PTPN21: variants seen among roughly 807,000 people sequenced by gnomAD.
PTPN21 encodes tyrosine-protein phosphatase non-receptor type 21.
Under a neutral mutation model 131.8 loss-of-function variants are expected in PTPN21, and 77 were observed. That is an observed-to-expected ratio of 0.58 (90% CI 0.49 to 0.71). The LOEUF is 0.71. Ranked by LOEUF, PTPN21 falls within the 30% of genes least tolerant of loss-of-function variation. PTPN21 has a pLI of 0.00. For missense variants in PTPN21, 1,552 were observed against 1,527.1 expected (o/e 1.02, Z -0.27); for synonymous variants, 715 against 621.3 (o/e 1.15, Z -2.24).
chr14:88,497,838 G>A (rs1433628510), intron 8 of PTPN21, among the ~76,000 whole-genome samples: 3 of 151,876 alleles, frequency 2.0e-5, no homozygotes, highest in Non-Finnish European at 4.4e-5. Context: ...GGTGGCTCAC[G>A]CCTGCAATCC....
At chr14:88,497,741 T>G (rs1209522766) in intron 8 of PTPN21, among the ~76,000 whole-genome samples, 2 of 151,594 alleles carry the variant, frequency 1.3e-5, no homozygotes, top group Admixed American at 1.3e-4. Context: ...ATCGCACCAC[T>G]GCACTCCAAC....
intron 2 of PTPN21, among the ~76,000 whole-genome samples, chr14:88,540,875 CTGG>C (rs1339040060): frequency 6.6e-6 from 1 of 152,100 alleles, no homozygotes; most frequent in East Asian, 1.9e-4. Context: ...GTTCCCCAGG[CTGG>C]TGGTGAACTC....
rs1268860038 is a variant in PTPN21 at position 88,505,318 on chromosome 14, C to A, written c.502G>T (p.Ala168Ser). The change falls in exon 5 of 19, where the codon GCC (alanine) becomes TCC (serine). Residue 168 changes from alanine (A) to serine (S), a missense_variant. Ala to Ser is a moderately conservative substitution (Grantham distance 99, BLOSUM62 1). This residue lies in a region of PTPN21 where 206 missense variants were observed against 221.6 expected (regional missense o/e 0.93). Transcript: ENST00000556564. ...AGAAGTCTTACCACAGGAAACAAGG[C>A]AAATTTCTGAAGAAAGTCCTGGGAT... ...YESQDFLQKFALFPVGWLQDE... is the reference protein window; with the variant it reads ...YESQDFLQKFSLFPVGWLQDE... The A allele has an allele frequency of 2.3e-5, 37 of 1,607,714 alleles. No homozygotes were observed. The highest frequency in any genetic ancestry group is 3.1e-5 in the Non-Finnish European group (37 of 1,175,310).
chr14:88,514,213 T>C (rs2078227738), intron 3 of PTPN21, among the ~76,000 whole-genome samples: 1 of 152,182 alleles, frequency 6.6e-6, no homozygotes, highest in African/African-American at 2.4e-5. Flanking sequence ...TTATAGTTTC[T>C]ATCATTTCAA....
In PTPN21 at chr14:88,472,242, A is replaced by C; in HGVS notation, c.2871+2T>G. 6.3e-7 allele frequency: 1 copy of C among 1,591,928 alleles called. No individual in the cohort carries two copies. The highest frequency in any genetic ancestry group is 1.7e-5 in the Admixed American group (1 of 59,882). On this transcript the variant is annotated splice_donor_variant, in intron 15 of 18. Coordinates refer to ENST00000556564, the MANE Select transcript of PTPN21 (RefSeq NM_007039.4). LOFTEE classifies it high-confidence loss of function. ...GTTGATTACTTGAGGCGTTCCTCTCACCTTAATATGTGATGCGTTGATGTA... is the reference window on the plus strand; with the variant it reads ...GTTGATTACTTGAGGCGTTCCTCTCCCCTTAATATGTGATGCGTTGATGTA...
chr14:88,480,432 C>A, intron 12 of PTPN21, 80 bp from the exon 13 acceptor site: 3 of 1,113,228 alleles, frequency 2.7e-6, no homozygotes, highest in African/African-American at 3.1e-5. Context: ...GCCCTTACCT[C>A]TGATGACATT....
chr14:88,468,199 A>G lies in PTPN21; in HGVS notation c.3463T>C (p.Cys1155Arg). 1.2e-6 allele frequency: 2 copies of G among 1,612,350 alleles called. No homozygotes were observed. The highest frequency in any genetic ancestry group is 1.7e-6 in the Non-Finnish European group (2 of 1,178,484). Residue 1155 changes from cysteine (C) to arginine (R), a missense_variant, in exon 19 of 19, where the codon TGC (cysteine) becomes CGC (arginine). Physicochemically the swap from Cys to Arg is radical, Grantham distance 180. This residue lies in a region of PTPN21 where 316 missense variants were observed against 378.5 expected (regional missense o/e 0.83). Coordinates refer to ENST00000556564, the MANE Select transcript of PTPN21 (RefSeq NM_007039.4). ...ACTCTGTACACAAATGTGTACTGGC[A>G]GAGAGTCTGCACCAGCATCATTCTC... ...QQRMMLVQTL[C>R]QYTFVYRVLI...
intron 12 of PTPN21, among the ~76,000 whole-genome samples, chr14:88,480,639 G>C (rs970265222): frequency 1.3e-5 from 2 of 152,106 alleles, no homozygotes; most frequent in Non-Finnish European, 2.9e-5. Flanking sequence ...AGACTTTTTG[G>C]AACTCTGGGG....
chr14:88,522,729 G>A (rs2078414672), intron 2 of PTPN21, among the ~76,000 whole-genome samples: 1 of 152,108 alleles, frequency 6.6e-6, no homozygotes, highest in African/African-American at 2.4e-5. Context: ...TGCTAGAAAT[G>A]TTTATATACA....
intron 10 of PTPN21, among the ~76,000 whole-genome samples, chr14:88,489,604 C>T (rs563196536): frequency 1.3e-5 from 2 of 152,140 alleles, no homozygotes; most frequent in Non-Finnish European, 2.9e-5. Flanking sequence ...GAGCTATGAT[C>T]ACACCACCAC....
chr14:88,502,475 T>C (rs2078024960), intron 6 of PTPN21, among the ~76,000 whole-genome samples: 1 of 152,198 alleles, frequency 6.6e-6, no homozygotes, highest in Admixed American at 6.5e-5. Flanking sequence ...TATCTTCTTA[T>C]ATGTATTATA....
chr14:88,517,274 A>C lies in PTPN21; in HGVS notation c.181-13T>G, dbSNP rs762910072. On this transcript the variant is annotated splice_polypyrimidine_tract_variant and intron_variant, in intron 2 of 18. Coordinates refer to ENST00000556564, the MANE Select transcript of PTPN21 (RefSeq NM_007039.4). ...TGAAGTAAGTGACCTGGAAAGACAG[A>C]AGGTCATTGAAGGAGGCAATAACAT... 1 of 1,612,324 alleles carries C rather than the reference A, an allele frequency of 6.2e-7. No homozygotes were observed. The highest frequency in any genetic ancestry group is 8.5e-7 in the Non-Finnish European group (1 of 1,178,418).
Position 88,479,943 on chromosome 14 carries a change from G to C in PTPN21, c.1488C>G (p.Ile496Met). The change falls in exon 13 of 19, where the codon ATC (isoleucine) becomes ATG (methionine). Residue 496 changes from isoleucine (I) to methionine (M), a missense_variant. This residue lies in a region of PTPN21 where 1,016 missense variants were observed against 883.5 expected (regional missense o/e 1.15). Coordinates refer to ENST00000556564, the MANE Select transcript of PTPN21 (RefSeq NM_007039.4). Reference protein sequence around the residue: ...PAALVYSQPEIREHAQLPSPA... With the variant: ...PAALVYSQPEMREHAQLPSPA... ...GCGAGGGGAGCTGTGCGTGCTCGCG[G>C]ATCTCGGGCTGGCTGTAGACCAGCG... The C allele has an allele frequency of 6.2e-7, 1 of 1,607,038 alleles. No homozygotes were observed. Among genetic ancestry groups the C allele is most frequent in the Non-Finnish European group, 8.5e-7 (1 of 1,179,858 alleles).
Position 88,541,951 on chromosome 14 carries a change from C to T in PTPN21, c.180+8287G>A, listed in dbSNP as rs1346078178. On this transcript the variant is annotated intron_variant, in intron 2 of 18. Transcript: ENST00000556564. ...GAAGCCTCCAGGCCCACAGCCTAGG[C>T]CCATGGATGGACTTGGGGGAGAGAG... Among the ~76,000 whole-genome samples the T allele has an allele frequency of 7.9e-5, 12 of 152,184 alleles. No homozygotes were observed. In the South Asian group the frequency reaches 2.1e-3, roughly 26 times the overall value.
chr14:88,485,391 A>G (rs2077717268), intron 11 of PTPN21, among the ~76,000 whole-genome samples: 1 of 152,206 alleles, frequency 6.6e-6, no homozygotes, highest in Non-Finnish European at 1.5e-5. Context: ...AGGCTCCACC[A>G]GAAAATCTGC....
At chr14:88,497,171 A>G (rs1416922179) in intron 9 of PTPN21, 32 bp downstream of exon 9, 2 of 1,528,790 alleles carry the variant, frequency 1.3e-6, no homozygotes, top group Admixed American at 1.7e-5. Context: ...TTTAGGAAAA[A>G]CATTCCATGC....
In PTPN21 at chr14:88,479,866, G is replaced by C; in HGVS notation, c.1565C>G (p.Ser522Cys). 6.4e-7 allele frequency: 1 copy of C among 1,574,594 alleles called. No homozygotes were observed. The highest frequency in any genetic ancestry group is 8.6e-7 in the Non-Finnish European group (1 of 1,164,656). Residue 522 changes from serine (S) to cysteine (C), a missense_variant, in exon 13 of 19, where the codon TCT becomes TGT. This residue lies in a region of PTPN21 where 1,016 missense variants were observed against 883.5 expected (regional missense o/e 1.15). Coordinates refer to ENST00000556564, the MANE Select transcript of PTPN21 (RefSeq NM_007039.4). ...CCGCTCGGCAGGGTAGGGGTAGGGA[G>C]ACGGGCTGTGGAAGCTGTAGCTCAG... ...FSLSYSFHSPSPYPYPAERRP... is the reference protein window; with the variant it reads ...FSLSYSFHSPCPYPYPAERRP...
intron 1 of PTPN21, chr14:88,551,511 C>T (rs2078868820): frequency 6.6e-6 from 1 of 152,250 alleles, no homozygotes; most frequent in South Asian, 2.1e-4. Context: ...CCCCGGAACC[C>T]TCTTTCTGCA....
At chr14:88,500,969 C>T (rs1273504405) in intron 7 of PTPN21, 98 bp from the exon 8 acceptor site, 10 of 835,332 alleles carry the variant, frequency 1.2e-5, no homozygotes, top group African/African-American at 3.4e-5. Flanking sequence ...TAGAAAGTTC[C>T]GAAGACCTAC....
Sources: allele counts gnomAD v4.1 joint callset (sites outside exome capture counted in the v4.1 genomes callset), GRCh38; gene constraint gnomAD v4.1.1; regional missense constraint gnomAD v4.1.1; transcripts MANE v1.5; gene names NCBI Gene and HGNC (gene_info 2026-07-23, HGNC 2026-07-21).